Variants in HPSE2 observed in about 807,000 individuals in gnomAD.
The protein encoded by HPSE2 is inactive heparanase-2.
A neutral mutation model predicts 60.5 loss-of-function variants in HPSE2; 38 were observed. That is an observed-to-expected ratio of 0.63 (90% CI 0.48 to 0.82). The LOEUF is 0.82. Ranked by LOEUF, HPSE2 falls within the 40% of genes least tolerant of loss-of-function variation. The probability of loss-of-function intolerance (pLI) is 0.00; values close to 1 mark genes in which losing one functional copy is unlikely to be tolerated. For missense variants in HPSE2, 713 were observed against 740.4 expected, an observed-to-expected ratio of 0.96 and a Z score of 0.43; for synonymous variants, 295 against 293.2, an observed-to-expected ratio of 1.01 and a Z score of -0.06.
chr10:98,918,336 T>C (rs569620981), intron 3 of HPSE2, among the ~76,000 whole-genome samples: 9 of 152,024 alleles, frequency 5.9e-5, no homozygotes, highest in South Asian at 4.1e-4. Flanking sequence ...TGGGTATATA[T>C]CCAAAGGATT....
At chr10:98,680,420 A>T (rs1403938136) in intron 6 of HPSE2, among the ~76,000 whole-genome samples, 1 of 152,042 alleles carries the variant, frequency 6.6e-6, no homozygotes, top group African/African-American at 2.4e-5. Flanking sequence ...CATTTATTTG[A>T]CTCTCATGGT....
intron 3 of HPSE2, among the ~76,000 whole-genome samples, chr10:99,132,146 G>GAAGA (rs1199987336): frequency 2.3e-3 from 67 of 28,530 alleles, no homozygotes; most frequent in East Asian, 8.8e-3. Context: ...AGAAAGAAAG[G>GAAGA]AAGAAAGAAA....
At chr10:98,502,230 G>T (rs1445380993) in intron 9 of HPSE2, among the ~76,000 whole-genome samples, 2 of 152,128 alleles carry the variant, frequency 1.3e-5, no homozygotes, top group Non-Finnish European at 2.9e-5. Flanking sequence ...AAAAGAGCCT[G>T]CATAGCCACA....
intron 3 of HPSE2, among the ~76,000 whole-genome samples, chr10:98,960,700 T>TA (rs1955633558): frequency 1.8e-5 from 1 of 57,018 alleles, no homozygotes; most frequent in African/African-American, 8.7e-5. Context: ...TATGTACATT[T>TA]CTTTTTTTTT....
chr10:98,902,757 A>T (rs1223695606), intron 3 of HPSE2, among the ~76,000 whole-genome samples: 1 of 152,176 alleles, frequency 6.6e-6, no homozygotes, highest in Admixed American at 6.5e-5. Context: ...AATTTTAGTT[A>T]ATGATATGCA....
At chr10:98,869,886 T>C (rs907267234) in intron 3 of HPSE2, among the ~76,000 whole-genome samples, 4 of 152,092 alleles carry the variant, frequency 2.6e-5, no homozygotes, top group African/African-American at 9.7e-5. Context: ...AGGAAATCAA[T>C]AGCATATAAA....
intron 3 of HPSE2, among the ~76,000 whole-genome samples, chr10:98,769,118 G>T (rs1045567033): frequency 3.3e-5 from 5 of 152,008 alleles, no homozygotes; most frequent in Admixed American, 1.3e-4. Flanking sequence ...ATAAGAAAAT[G>T]GATATCAATA....
intron 11 of HPSE2, among the ~76,000 whole-genome samples, chr10:98,471,640 G>A (rs778070807): frequency 2.8e-4 from 42 of 151,832 alleles, no homozygotes; most frequent in Non-Finnish European, 4.9e-4. Context: ...GAACTGCTTC[G>A]CTGGATGTCT....
At chr10:99,110,682 A>T (rs1292787453) in intron 3 of HPSE2, among the ~76,000 whole-genome samples, 1 of 152,152 alleles carries the variant, frequency 6.6e-6, no homozygotes, top group African/African-American at 2.4e-5. Flanking sequence ...CTCCTTTACT[A>T]ATATATTAGA....
At chr10:98,920,005 C>T (rs1296004131) in intron 3 of HPSE2, among the ~76,000 whole-genome samples, 19 of 152,158 alleles carry the variant, frequency 1.2e-4, no homozygotes, top group Non-Finnish European at 7.3e-5. Context: ...GTCAAGAGAA[C>T]CTGCTGCTAG....
intron 3 of HPSE2, among the ~76,000 whole-genome samples, chr10:99,015,939 T>C (rs1198841049): frequency 1.3e-5 from 2 of 152,250 alleles, no homozygotes; most frequent in African/African-American, 4.8e-5. Context: ...TGCTGGATAG[T>C]TGACCTTTGT....
chr10:98,856,538 T>A (rs557034863), intron 3 of HPSE2, among the ~76,000 whole-genome samples: 6 of 152,162 alleles, frequency 3.9e-5, no homozygotes, highest in South Asian at 2.1e-4. Context: ...TTATAGTAGA[T>A]TTATTAGGGA....
chr10:98,651,632 A>G (rs778428043), intron 6 of HPSE2, among the ~76,000 whole-genome samples: 24 of 152,176 alleles, frequency 1.6e-4, no homozygotes, highest in Non-Finnish European at 7.4e-5. Context: ...GAGTCTGAGA[A>G]TTAGGGAAAT....
At chr10:98,827,820 C>T (rs1388132574) in intron 3 of HPSE2, among the ~76,000 whole-genome samples, 1 of 152,212 alleles carries the variant, frequency 6.6e-6, no homozygotes, top group Non-Finnish European at 1.5e-5. Flanking sequence ...TTATGTAGAT[C>T]ACAATACCTA....
chr10:98,585,708 T>G (rs992441892), intron 9 of HPSE2, among the ~76,000 whole-genome samples: 20 of 151,712 alleles, frequency 1.3e-4, no homozygotes, highest in African/African-American at 4.6e-4. Context: ...TCCCAGCACT[T>G]TGGGAGGCCG....
chr10:98,617,408 T>C (rs933454452), intron 8 of HPSE2, among the ~76,000 whole-genome samples: 1 of 152,204 alleles, frequency 6.6e-6, no homozygotes. Flanking sequence ...GCATAGAGTA[T>C]ATACTCAACA....
intron 3 of HPSE2, among the ~76,000 whole-genome samples, chr10:98,834,191 T>G (rs1317752522): frequency 6.6e-6 from 1 of 152,082 alleles, no homozygotes; most frequent in Non-Finnish European, 1.5e-5. Flanking sequence ...CAGAAGACAA[T>G]TTCAGGAAGT....
intron 2 of HPSE2, among the ~76,000 whole-genome samples, chr10:99,219,207 G>A (rs754684473): frequency 1.3e-5 from 2 of 152,170 alleles, no homozygotes; most frequent in South Asian, 4.1e-4. Context: ...GGAAGTTTCA[G>A]AAGTGATTTT....
intron 3 of HPSE2, among the ~76,000 whole-genome samples, chr10:98,755,150 A>C (rs1479985596): frequency 6.6e-6 from 1 of 152,162 alleles, no homozygotes; most frequent in Non-Finnish European, 1.5e-5. Flanking sequence ...GCAATGATTC[A>C]TAAGCTCAAA....
Sources: gnomAD v4.1 joint callset for allele counts (sites outside exome capture counted in the v4.1 genomes callset) on GRCh38, gnomAD v4.1.1 for gene constraint, MANE v1.5 for transcripts, NCBI Gene and HGNC (gene_info 2026-07-23, HGNC 2026-07-21) for gene names.